The following PLCE1 variants were observed in gnomAD, a reference collection of about 807,000 sequenced individuals.
PLCE1 encodes phospholipase C epsilon 1, also known as 1-phosphatidylinositol 4,5-bisphosphate phosphodiesterase epsilon-1.
A neutral mutation model predicts 242.8 loss-of-function variants in PLCE1; 119 were observed. The ratio of observed to expected loss-of-function variants is 0.49; its 90% CI spans 0.42 to 0.57. The LOEUF is 0.57. PLCE1 is among the 20% of genes least tolerant of loss of function. The pLI is 0.00. For missense variants in PLCE1, 2,441 were observed against 2,788.8 expected (o/e 0.88, Z 2.81); for synonymous variants, 945 against 1,017.4 (o/e 0.93, Z 1.35).
At chr10:94,064,598 T>G (rs1203136326) in intron 2 of PLCE1, among the ~76,000 whole-genome samples, 1 of 152,128 alleles carries the variant, frequency 6.6e-6, no homozygotes, top group Non-Finnish European at 1.5e-5. Flanking sequence ...GGGTTTCAGG[T>G]CCCAGCCTCG....
intron 24 of PLCE1, among the ~76,000 whole-genome samples, chr10:94,299,403 T>C (rs1029333324): frequency 6.6e-6 from 1 of 152,198 alleles, no homozygotes; most frequent in Admixed American, 6.5e-5. Flanking sequence ...CACAAATTGG[T>C]TAATTTGTTC....
chr10:94,017,598 TG>T (rs1300318748), intron 1 of PLCE1, among the ~76,000 whole-genome samples: 1 of 152,228 alleles, frequency 6.6e-6, no homozygotes, highest in East Asian at 1.9e-4. Flanking sequence ...GGAGGGCCAC[TG>T]AAGGCCTTCA....
intron 29 of PLCE1, among the ~76,000 whole-genome samples, chr10:94,320,416 G>A (rs1323408036): frequency 6.6e-6 from 1 of 152,114 alleles, no homozygotes; most frequent in African/African-American, 2.4e-5. Context: ...TTAAATGATT[G>A]GGGCAAGCTT....
At chr10:94,048,454 T>C (rs1477895631) in intron 2 of PLCE1, among the ~76,000 whole-genome samples, 1 of 152,032 alleles carries the variant, frequency 6.6e-6, no homozygotes, top group Non-Finnish European at 1.5e-5. Context: ...ATACTTTATA[T>C]GTTTCAACTT....
intron 3 of PLCE1, among the ~76,000 whole-genome samples, chr10:94,162,118 T>G (rs1175250283): frequency 1.3e-5 from 2 of 152,138 alleles, no homozygotes; most frequent in Non-Finnish European, 2.9e-5. Flanking sequence ...TAAAATTCTG[T>G]TTTTTTGTTG....
chr10:94,253,962 G>A (rs562208884), intron 9 of PLCE1, among the ~76,000 whole-genome samples: 11 of 152,276 alleles, frequency 7.2e-5, no homozygotes, highest in African/African-American at 2.4e-4. Context: ...GTTCTGTGCC[G>A]CCTCTTGTCT....
At chr10:94,275,560 C>T (rs1435804321) in intron 19 of PLCE1, among the ~76,000 whole-genome samples, 2 of 152,130 alleles carry the variant, frequency 1.3e-5, no homozygotes, top group Admixed American at 6.6e-5. Context: ...TCTTGGCCAG[C>T]CGCTGTGGCT....
intron 21 of PLCE1, 104 bp downstream of exon 21, chr10:94,284,015 C>A: frequency 7.4e-7 from 1 of 1,348,042 alleles, no homozygotes; most frequent in Admixed American, 1.7e-5. Context: ...CACCTTTCCC[C>A]TCACTTTCCC....
intron 2 of PLCE1, among the ~76,000 whole-genome samples, chr10:94,055,316 A>ATT (rs34828676): frequency 0.01 from 1,521 of 146,972 alleles, 30 homozygotes; most frequent in African/African-American, 0.036. Context: ...TTGTTGTCTT[A>ATT]TTTTTTTTTT....
chr10:94,101,874 C>T (rs72812689), intron 2 of PLCE1, among the ~76,000 whole-genome samples: 5 of 152,192 alleles, frequency 3.3e-5, no homozygotes, highest in Non-Finnish European at 7.4e-5. Flanking sequence ...ATCTCTTGTG[C>T]GGTGGTGGGC....
intron 6 of PLCE1, among the ~76,000 whole-genome samples, chr10:94,234,908 A>G (rs2050264332): frequency 6.6e-6 from 1 of 152,178 alleles, no homozygotes; most frequent in Non-Finnish European, 1.5e-5. Flanking sequence ...AACTGGAGGG[A>G]AAAGATAAGG....
At chr10:94,167,933 A>G (rs2047859376) in intron 3 of PLCE1, among the ~76,000 whole-genome samples, 2 of 152,082 alleles carry the variant, frequency 1.3e-5, no homozygotes, top group Middle Eastern at 3.4e-3. Context: ...GTGATCCGCC[A>G]GCCTCGGCCT....
intron 3 of PLCE1, among the ~76,000 whole-genome samples, chr10:94,162,911 G>T (rs1451562010): frequency 1.3e-5 from 2 of 152,108 alleles, no homozygotes; most frequent in Admixed American, 1.3e-4. Flanking sequence ...ATTTCATTAT[G>T]TACCCAGTAG....
In PLCE1 at chr10:94,118,148, CTT is replaced by C. The variant is rs528274961; in HGVS notation, c.1207-14025_1207-14024del. On this transcript the variant is annotated intron_variant, in intron 2 of 32. Transcript: ENST00000371380. ...TAAAAGAAGTTACAATTTTTTTAAA[CTT>C]AAGTTTTTAACCTAAGTTTTTATAA... is the stretch of plus-strand genomic sequence containing the variant. Among the ~76,000 whole-genome samples, 15 of 152,186 alleles carry C rather than the reference CTT, an allele frequency of 9.9e-5. No homozygotes were observed. In the South Asian group the frequency reaches 2.7e-3, roughly 27 times the overall value.
At chr10:94,197,471 C>T (rs953113992) in intron 4 of PLCE1, among the ~76,000 whole-genome samples, 4 of 152,192 alleles carry the variant, frequency 2.6e-5, no homozygotes, top group African/African-American at 7.2e-5. Flanking sequence ...TCTGATTTAT[C>T]CACATTCCTA....
chr10:94,029,197 C>T (rs1189671465), intron 1 of PLCE1, among the ~76,000 whole-genome samples: 1 of 152,270 alleles, frequency 6.6e-6, no homozygotes, highest in East Asian at 1.9e-4. Flanking sequence ...TCCCCTTCTC[C>T]TCCTTTGAAT....
In PLCE1 at chr10:94,308,634, A is replaced by C. The variant is rs774371738; in HGVS notation, c.5938A>C (p.Ser1980Arg). ...NLHNEVLEIS[S>R]LFINSRRMEE... ...TCACAATGAAGTCTTGGAGATTTCT[A>C]GTTTATTCATTAACAGCAGAAGGAT... Residue 1980 changes from serine to arginine, a missense_variant, in exon 27 of 33, where the codon AGT (serine) becomes CGT (arginine). Physicochemically the swap from Ser to Arg is moderately radical, Grantham distance 110 (BLOSUM62 -1). Coordinates refer to ENST00000371380, the MANE Select transcript of PLCE1 (RefSeq NM_016341.4). The C allele has an allele frequency of 6.2e-7, 1 of 1,613,662 alleles. No homozygotes were observed. The highest frequency in any genetic ancestry group is 1.7e-5 in the Admixed American group (1 of 60,020).
intron 9 of PLCE1, among the ~76,000 whole-genome samples, chr10:94,252,744 G>A (rs752339518): frequency 2.6e-5 from 4 of 152,236 alleles, no homozygotes; most frequent in South Asian, 2.1e-4. Context: ...AAGAGACATC[G>A]TTGAGTCACC....
At chr10:94,039,909 A>G (rs576094023) in intron 2 of PLCE1, among the ~76,000 whole-genome samples, 1 of 152,288 alleles carries the variant, frequency 6.6e-6, no homozygotes, top group African/African-American at 2.4e-5. Context: ...TTTTTGATAT[A>G]TATTCTGGAT....
Sources: allele counts gnomAD v4.1 joint callset (sites outside exome capture counted in the v4.1 genomes callset), GRCh38; gene constraint gnomAD v4.1.1; transcripts MANE v1.5; gene names NCBI Gene and HGNC (gene_info 2026-07-23, HGNC 2026-07-21).